The following DUT variants were observed in gnomAD, a reference collection of about 807,000 sequenced individuals.
DUT encodes deoxyuridine 5'-triphosphate nucleotidohydrolase, mitochondrial.
A neutral mutation model predicts 28.8 loss-of-function variants in DUT; 21 were observed. The ratio of observed to expected loss-of-function variants is 0.73; its 90% CI spans 0.52 to 1.05. The LOEUF (loss-of-function observed/expected upper bound fraction) is 1.05. Among genes scored for constraint, DUT ranks in the 50% least tolerant of loss-of-function variants. The probability of loss-of-function intolerance (pLI) is 0.00; values close to 1 mark genes in which losing one functional copy is unlikely to be tolerated. For missense variants in DUT, 344 were observed against 351.8 expected, an observed-to-expected ratio of 0.98 and a Z score of 0.18; for synonymous variants, 147 against 143.7, an observed-to-expected ratio of 1.02 and a Z score of -0.17.
At chr15:48,338,378 C>G (rs752235037) in intron 4 of DUT, among the ~76,000 whole-genome samples, 2 of 152,082 alleles carry the variant, frequency 1.3e-5, no homozygotes, top group Non-Finnish European at 2.9e-5. Flanking sequence ...TTTACAGATA[C>G]GTTAGCAGAG....
At chr15:48,334,225 A>T (rs1254663624) in intron 2 of DUT, among the ~76,000 whole-genome samples, 192 bp from the exon 3 acceptor site, 2 of 152,260 alleles carry the variant, frequency 1.3e-5, no homozygotes, top group Non-Finnish European at 2.9e-5. Flanking sequence ...ATAATAAAAT[A>T]GCCACCTCTA....
At chr15:48,335,798 A>C (rs918442884) in intron 3 of DUT, among the ~76,000 whole-genome samples, 4 of 152,240 alleles carry the variant, frequency 2.6e-5, no homozygotes, top group African/African-American at 9.6e-5. Flanking sequence ...ATTCTGACTG[A>C]AGTCACATGG....
intron 1 of DUT, 197 bp downstream of exon 1, chr15:48,331,992 G>T: frequency 1.1e-6 from 1 of 882,848 alleles, no homozygotes; most frequent in South Asian, 2.2e-5. Flanking sequence ...CTTCAAAGTT[G>T]GCCCCACGCG....
intron 6 of DUT, 122 bp from the exon 7 acceptor site, chr15:48,341,900 C>T: frequency 2.6e-6 from 2 of 767,692 alleles, no homozygotes; most frequent in Non-Finnish European, 4.3e-6. Flanking sequence ...TGTAATCTCC[C>T]TTTTGAAAAG....
Position 48,331,597 on chromosome 15 carries a change from G to C in DUT, c.82G>C (p.Gly28Arg). 4 of 1,574,942 alleles carry C rather than the reference G, an allele frequency of 2.5e-6. No individual in the cohort carries two copies. The highest frequency in any genetic ancestry group is 3.4e-6 in the Non-Finnish European group (4 of 1,162,384). Reference sequence around the variant, plus strand: ...TCGCTCAGCGATGCAAAACGCGCGAGGCGCACGGCAGAGGGCCGAAGCCGC... The same window carrying C: ...TCGCTCAGCGATGCAAAACGCGCGACGCGCACGGCAGAGGGCCGAAGCCGC... ...LLRSAMQNAR[G>R]ARQRAEAAVL... is the part of the protein sequence containing the mutation. Residue 28 changes from glycine to arginine, a missense_variant, in exon 1 of 7, where the codon GGC becomes CGC. Gly to Arg is a moderately radical substitution (Grantham distance 125). Coordinates refer to ENST00000331200, the MANE Select transcript of DUT (RefSeq NM_001025248.2).
In DUT at chr15:48,331,707, C is replaced by A; in HGVS notation, c.192C>A (p.Ser64Arg). The change falls in exon 1 of 7, where the codon AGC becomes AGA. Residue 64 changes from serine to arginine, a missense_variant. Ser to Arg is a moderately radical substitution (Grantham distance 110, BLOSUM62 -1). Transcript: ENST00000331200. ...CGCTGTCCAGCGCTGGCCGCCTGAG[C>A]CAAGGCTGCCGCGGAGCCAGTACAG... The part of the protein sequence containing the change: ...PRPLSSAGRL[S>R]QGCRGASTVG... The A allele has an allele frequency of 2.0e-6, 3 of 1,511,586 alleles. No individual in the cohort carries two copies. Among genetic ancestry groups the A allele is most frequent in the Non-Finnish European group, 2.7e-6 (3 of 1,131,748 alleles). The allele number at this position is 1,511,586 out of a possible 1,614,324, so 93.6% of individuals were successfully genotyped here.
At chr15:48,336,800 C>T (rs973967687) in intron 4 of DUT, among the ~76,000 whole-genome samples, 1 of 152,088 alleles carries the variant, frequency 6.6e-6, no homozygotes, top group Admixed American at 6.5e-5. Flanking sequence ...TGCTAGATCT[C>T]CTCCTCCACC....
At position 48,331,809 on chromosome 15, in the gene DUT, G is replaced by T; in HGVS notation, c.280+14G>T. 4 of 1,364,486 alleles carry T rather than the reference G, an allele frequency of 2.9e-6. No homozygotes were observed. The highest frequency in any genetic ancestry group is 3.8e-6 in the Non-Finnish European group (4 of 1,064,952). 84.5% of individuals were successfully genotyped at this position (1,364,486 alleles called of 1,614,324 possible). ...CGCCGGGGCCGGGTAGGAAAGGCGG[G>T]GGAGGGGCTCCGGCCGTCTGGAAGG... On this transcript the variant is annotated intron_variant, in intron 1 of 6. Transcript: ENST00000331200.
chr15:48,341,830 AT>A (rs35597930), intron 6 of DUT, 191 bp from the exon 7 acceptor site: 2 of 570,502 alleles, frequency 3.5e-6, no homozygotes, highest in Non-Finnish European at 6.0e-6. Context: ...TTTTATTAGA[AT>A]TTTTTAAAGT....
intron 4 of DUT, among the ~76,000 whole-genome samples, chr15:48,339,417 T>C (rs1285232375): frequency 6.6e-6 from 1 of 152,154 alleles, no homozygotes; most frequent in Admixed American, 6.5e-5. Flanking sequence ...TATTAGCTTG[T>C]ACCTCAAAAT....
Position 48,342,414 on chromosome 15 carries a change from TAACTC to T in DUT, c.*338_*342del, listed in dbSNP as rs1293419341. The stretch of plus-strand genomic sequence containing the variant: ...CAGATTAAAAAAAAAAGCCTGTATT[TAACTC>T]ATATGATCTCCCTTCAGCAACTTAT... On this transcript the variant is annotated 3_prime_UTR_variant, in exon 7 of 7. Transcript: ENST00000331200. 3.7e-5 allele frequency: 6 copies of T among 160,578 alleles called. No individual in the cohort carries two copies. In the East Asian group the frequency reaches 8.7e-4, roughly 23 times the overall value. The allele number at this position is 160,578 out of a possible 1,614,324, so 9.9% of individuals were successfully genotyped here. A position where few individuals can be genotyped will look rare whatever the true frequency, so the allele number is the denominator to read the frequency against.
chr15:48,331,469 C>A lies in DUT; in HGVS notation c.-47C>A. 1 of 1,604,766 alleles carries A rather than the reference C, an allele frequency of 6.2e-7. No individual in the cohort carries two copies. The highest frequency in any genetic ancestry group is 8.5e-7 in the Non-Finnish European group (1 of 1,176,388). ...GCGTCTTCAGGGTGGAAGCCTGGCG[C>A]ACGTCCGGAGGTGCCGAGGACCCAA... On this transcript the variant is annotated 5_prime_UTR_variant, in exon 1 of 7. Coordinates refer to ENST00000331200, the MANE Select transcript of DUT (RefSeq NM_001025248.2).
In DUT at chr15:48,342,128, A is replaced by T. The variant is rs1024453143; in HGVS notation, c.*50A>T. ...AGAAGTCATACCTTTTTCTTAAAAA[A>T]AAAAAAAAAGTTTTTGCTTCAAGTG... On this transcript the variant is annotated 3_prime_UTR_variant, in exon 7 of 7. Transcript: ENST00000331200. 3.6e-6 allele frequency: 5 copies of T among 1,394,616 alleles called. No individual in the cohort carries two copies. Among genetic ancestry groups the T allele is most frequent in the Non-Finnish European group, 4.8e-6 (5 of 1,045,674 alleles). The allele number at this position is 1,394,616 out of a possible 1,614,324, so 86.4% of individuals were successfully genotyped here.
At chr15:48,331,952 G>A (rs2042417820) in intron 1 of DUT, 157 bp downstream of exon 1, 1 of 893,188 alleles carries the variant, frequency 1.1e-6, no homozygotes, top group African/African-American at 1.8e-5. Context: ...CGGCTTTCTA[G>A]TGTGTGAGGG....
At chr15:48,339,176 G>T (rs2042505077) in intron 4 of DUT, among the ~76,000 whole-genome samples, 1 of 151,818 alleles carries the variant, frequency 6.6e-6, no homozygotes, top group Non-Finnish European at 1.5e-5. Context: ...TAAAAAGAAT[G>T]GCTAACATTT....
chr15:48,334,097 A>C (rs377505796), intron 2 of DUT, among the ~76,000 whole-genome samples: 91 of 152,284 alleles, frequency 6.0e-4, no homozygotes, highest in Non-Finnish European at 1.0e-3. Flanking sequence ...TTTCACGCTG[A>C]TAAGTACCTC....
In DUT at chr15:48,342,112, A is replaced by G. The variant is rs2042543292; in HGVS notation, c.*34A>G. ...CCAAGAACAGAAAACAAGAAGTCAT[A>G]CCTTTTTCTTAAAAAAAAAAAAAAA... On this transcript the variant is annotated 3_prime_UTR_variant, in exon 7 of 7. Transcript: ENST00000331200. 5.6e-6 allele frequency: 8 copies of G among 1,439,168 alleles called. No homozygotes were observed. The highest frequency in any genetic ancestry group is 7.4e-6 in the Non-Finnish European group (8 of 1,081,564). 89.1% of individuals were successfully genotyped at this position (1,439,168 alleles called of 1,614,324 possible). A position where few individuals can be genotyped will look rare whatever the true frequency, so the allele number is the denominator to read the frequency against.
chr15:48,331,226 G>A, upstream of DUT: 1 of 1,493,814 alleles, frequency 6.7e-7, no homozygotes, highest in Non-Finnish European at 8.9e-7. Context: ...CGGGCCTGGC[G>A]TACACTCTCG....
At chr15:48,340,641 C>CTT (rs2042523185) in intron 4 of DUT, among the ~76,000 whole-genome samples, 1 of 152,064 alleles carries the variant, frequency 6.6e-6, no homozygotes, top group African/African-American at 2.4e-5. Context: ...TAATCTTAAA[C>CTT]AAGTATTAAT....
Sources: allele counts gnomAD v4.1 joint callset (sites outside exome capture counted in the v4.1 genomes callset), GRCh38; gene constraint gnomAD v4.1.1; transcripts MANE v1.5; gene names NCBI Gene and HGNC (gene_info 2026-07-23, HGNC 2026-07-21).